LYPLAL1: variants seen among roughly 807,000 people sequenced by gnomAD.
LYPLAL1 encodes the protein lysophospholipase-like protein 1.
In LYPLAL1, 23 loss-of-function variants were observed where a neutral mutation model predicts 19.7. The ratio of observed to expected loss-of-function variants is 1.17; its 90% CI spans 0.84 to 1.65. The LOEUF (loss-of-function observed/expected upper bound fraction) is 1.65, where lower values mean the gene tolerates loss of function less well. Among genes scored for constraint, LYPLAL1 ranks in the 40% most tolerant of loss-of-function variants. The pLI, the probability that LYPLAL1 is intolerant of heterozygous loss-of-function variation, is 0.00. For synonymous variants in LYPLAL1, 119 were observed against 96.3 expected (o/e 1.24, Z -1.38); for missense variants, 355 against 279.4 (o/e 1.27, Z -1.93).
At chr1:219,378,952 A>C in the LYPLAL1 span, among the ~76,000 whole-genome samples, 1 of 152,230 alleles carries the variant, frequency 6.6e-6, no homozygotes, top group African/African-American at 2.4e-5. Flanking sequence ...TCACCATTAA[A>C]TGCTGATCTG....
At chr1:219,399,160 G>A in the LYPLAL1 span, among the ~76,000 whole-genome samples, 1 of 152,188 alleles carries the variant, frequency 6.6e-6, no homozygotes, top group African/African-American at 2.4e-5. Flanking sequence ...ACATGGCTCA[G>A]TGAGCTGGGG....
chr1:219,338,097 A>T, the LYPLAL1 span, among the ~76,000 whole-genome samples: 1 of 151,968 alleles, frequency 6.6e-6, no homozygotes, highest in African/African-American at 2.4e-5. Context: ...CGTGGTTTGG[A>T]TGGAACTTAC....
the LYPLAL1 span, among the ~76,000 whole-genome samples, chr1:219,410,901 G>A: frequency 3.3e-5 from 5 of 152,322 alleles, no homozygotes; most frequent in South Asian, 2.1e-4. Context: ...GGCAGGGCTC[G>A]GGACCTGCAG....
At chr1:219,430,170 T>G in the LYPLAL1 span, among the ~76,000 whole-genome samples, 1 of 151,796 alleles carries the variant, frequency 6.6e-6, no homozygotes, top group Non-Finnish European at 1.5e-5. Context: ...GGTGTGTGCC[T>G]GTAGTCTTAG....
At chr1:219,264,715 A>G in the LYPLAL1 span, among the ~76,000 whole-genome samples, 2 of 152,178 alleles carry the variant, frequency 1.3e-5, no homozygotes, top group South Asian at 2.1e-4. Flanking sequence ...AGCCACTTCA[A>G]TGCCTCCCAC....
At chr1:219,328,226 G>A in the LYPLAL1 span, among the ~76,000 whole-genome samples, 7 of 152,214 alleles carry the variant, frequency 4.6e-5, no homozygotes, top group East Asian at 5.8e-4. Flanking sequence ...CTGGGTTGGC[G>A]ATACTTCCGG....
chr1:219,348,458 T>C, the LYPLAL1 span, among the ~76,000 whole-genome samples: 1 of 152,250 alleles, frequency 6.6e-6, no homozygotes, highest in East Asian at 1.9e-4. Context: ...ATTCCTCAGC[T>C]TCTTCTGGGT....
At chr1:219,296,188 A>T in the LYPLAL1 span, among the ~76,000 whole-genome samples, 1 of 152,240 alleles carries the variant, frequency 6.6e-6, no homozygotes, top group Admixed American at 6.5e-5. Flanking sequence ...TCATAAAGAA[A>T]TAATAACTTC....
the LYPLAL1 span, among the ~76,000 whole-genome samples, chr1:219,443,084 GA>G: frequency 0.049 from 6,968 of 142,642 alleles, 332 homozygotes; most frequent in African/African-American, 0.12. Flanking sequence ...GTTTCTGCTG[GA>G]AAAAAAAAAA....
At chr1:219,301,054 T>C in the LYPLAL1 span, among the ~76,000 whole-genome samples, 104 of 134,096 alleles carry the variant, frequency 7.8e-4, no homozygotes, top group Admixed American at 1.4e-3. Flanking sequence ...AGACTCCACC[T>C]CTAAAAAAAA....
At chr1:219,290,149 G>A in the LYPLAL1 span, among the ~76,000 whole-genome samples, 16 of 152,356 alleles carry the variant, frequency 1.1e-4, no homozygotes, top group Middle Eastern at 0.01. Context: ...CAGGTGTGAT[G>A]TCTTGGTTTC....
the LYPLAL1 span, among the ~76,000 whole-genome samples, chr1:219,401,770 A>G: frequency 1.3e-5 from 2 of 152,186 alleles, no homozygotes. Flanking sequence ...GGTATACCAA[A>G]ATAATTTTGC....
the LYPLAL1 span, among the ~76,000 whole-genome samples, chr1:219,264,176 C>G: frequency 6.6e-5 from 10 of 152,202 alleles, no homozygotes; most frequent in Non-Finnish European, 1.5e-5. Context: ...CTGTATCACA[C>G]AGTACTAACC....
the LYPLAL1 span, among the ~76,000 whole-genome samples, chr1:219,252,424 AGATG>A: frequency 6.6e-6 from 1 of 152,118 alleles, no homozygotes; most frequent in Non-Finnish European, 1.5e-5. Context: ...GGTTTGTCAT[AGATG>A]GCTCTTATTA....
At chr1:219,282,064 C>G in the LYPLAL1 span, among the ~76,000 whole-genome samples, 3 of 152,148 alleles carry the variant, frequency 2.0e-5, no homozygotes, top group Admixed American at 6.5e-5. Context: ...CAACTAGACA[C>G]AGAGGACTTA....
chr1:219,292,809 AG>A, the LYPLAL1 span, among the ~76,000 whole-genome samples: 1 of 152,148 alleles, frequency 6.6e-6, no homozygotes, highest in African/African-American at 2.4e-5. Flanking sequence ...TGAGATAGAG[AG>A]GCAAGGCTTC....
the LYPLAL1 span, among the ~76,000 whole-genome samples, chr1:219,250,696 A>T: frequency 1.3e-5 from 2 of 151,854 alleles, no homozygotes; most frequent in South Asian, 2.1e-4. Context: ...TCTTTATCCA[A>T]TCTGTCATTG....
the LYPLAL1 span, among the ~76,000 whole-genome samples, chr1:219,238,122 CTTTTTT>C: frequency 2.9e-5 from 3 of 103,894 alleles, no homozygotes; most frequent in Non-Finnish European, 5.5e-5. Flanking sequence ...TGGATCTAAA[CTTTTTT>C]TTTTTTTTTT....
At chr1:219,314,775 G>T in the LYPLAL1 span, among the ~76,000 whole-genome samples, 2 of 152,200 alleles carry the variant, frequency 1.3e-5, no homozygotes, top group African/African-American at 4.8e-5. Context: ...ATAATATATT[G>T]TGAATCTTGA....
Sources: gnomAD v4.1 joint callset for allele counts (sites outside exome capture counted in the v4.1 genomes callset) on GRCh38, gnomAD v4.1.1 for gene constraint, MANE v1.5 for transcripts, NCBI Gene and HGNC (gene_info 2026-07-23, HGNC 2026-07-21) for gene names.